Variants in CLIC5 observed in about 807,000 individuals in gnomAD.
CLIC5 encodes CLIC family member 5.
In CLIC5, 20 loss-of-function variants were observed where a neutral mutation model predicts 24.7. The ratio of observed to expected loss-of-function variants is 0.81; its 90% CI spans 0.57 to 1.18. CLIC5 has a LOEUF of 1.18. Ranked by LOEUF, CLIC5 falls within the 50% of genes most tolerant of loss-of-function variation. CLIC5 has a pLI of 0.00. For synonymous variants in CLIC5, 159 were observed against 135.6 expected (o/e 1.17, Z -1.20); for missense variants, 341 against 326.1 (o/e 1.05, Z -0.35).
At chr6:46,035,484 G>GGC (rs1276279238) in intron 1 of CLIC5, among the ~76,000 whole-genome samples, 1 of 152,102 alleles carries the variant, frequency 6.6e-6, no homozygotes, top group African/African-American at 2.4e-5. Context: ...CCCTATCACT[G>GGC]GCTCCATCTC....
At chr6:46,074,622 C>A (rs1581921678) in intron 1 of CLIC5, among the ~76,000 whole-genome samples, 1 of 152,198 alleles carries the variant, frequency 6.6e-6, no homozygotes, top group African/African-American at 2.4e-5. Context: ...TCTGAAGCTG[C>A]AGATACTTTC....
At chr6:45,958,127 A>G (rs1298640621) in intron 1 of CLIC5, among the ~76,000 whole-genome samples, 1 of 152,094 alleles carries the variant, frequency 6.6e-6, no homozygotes, top group East Asian at 1.9e-4. Context: ...GGCTCTAAAC[A>G]TGACTGATGT....
At chr6:45,938,215 C>T (rs957483382) in intron 4 of CLIC5, among the ~76,000 whole-genome samples, 4 of 152,208 alleles carry the variant, frequency 2.6e-5, no homozygotes, top group African/African-American at 9.7e-5. Context: ...AGCCATGGAG[C>T]TCACACAGAG....
At chr6:45,987,578 T>C (rs1765786531) in intron 1 of CLIC5, among the ~76,000 whole-genome samples, 1 of 152,234 alleles carries the variant, frequency 6.6e-6, no homozygotes, top group South Asian at 2.1e-4. Context: ...ATTGTGTGGC[T>C]TAAATAACAA....
rs1272955658 is a variant in CLIC5 at position 45,901,302 on chromosome 6, T to G, written c.*1786A>C. ...CTCATTCCGCCTTTTCAAAGCTTTC[T>G]CAGGCTTATAAAGTGTCCTACTGAG... On this transcript the variant is annotated 3_prime_UTR_variant, in exon 6 of 6. Coordinates refer to ENST00000339561, the MANE Select transcript of CLIC5 (RefSeq NM_016929.5). 1 of 152,180 alleles carries G rather than the reference T, an allele frequency of 6.6e-6. No individual in the cohort carries two copies. The highest frequency in any genetic ancestry group is 1.5e-5 in the Non-Finnish European group (1 of 68,026). 9.4% of individuals were successfully genotyped at this position (152,180 alleles called of 1,614,324 possible). A position where few individuals can be genotyped will look rare whatever the true frequency, so the allele number is the denominator to read the frequency against.
chr6:45,920,917 G>A (rs1763232612), intron 4 of CLIC5, among the ~76,000 whole-genome samples: 1 of 152,162 alleles, frequency 6.6e-6, no homozygotes, highest in Non-Finnish European at 1.5e-5. Context: ...GCTCTGTGAT[G>A]GGCAGTGTAA....
intron 6 of CLIC5, among the ~76,000 whole-genome samples, chr6:45,892,525 C>G (rs1273598476): frequency 6.6e-6 from 1 of 152,142 alleles, no homozygotes; most frequent in African/African-American, 2.4e-5. Flanking sequence ...AATTCATGAT[C>G]CTGTGGGTGC....
upstream of CLIC5, among the ~76,000 whole-genome samples, chr6:46,020,043 TA>T (rs1293081589): frequency 6.6e-6 from 1 of 152,004 alleles, no homozygotes; most frequent in East Asian, 1.9e-4. Flanking sequence ...GAATATAGAA[TA>T]TAGAAGACCT....
intron 4 of CLIC5, among the ~76,000 whole-genome samples, chr6:45,919,967 TAA>T (rs1763190097): frequency 6.6e-6 from 1 of 152,202 alleles, no homozygotes; most frequent in Non-Finnish European, 1.5e-5. Flanking sequence ...TATTAGATTC[TAA>T]AACATAAACT....
the CLIC5 span, among the ~76,000 whole-genome samples, chr6:46,123,729 G>C: frequency 3.0e-5 from 4 of 135,064 alleles, no homozygotes; most frequent in East Asian, 7.9e-4. Flanking sequence ...AGCAACTTCA[G>C]CAAAGTCTCA....
intron 1 of CLIC5, among the ~76,000 whole-genome samples, chr6:46,051,105 A>G (rs1768090679): frequency 6.6e-6 from 1 of 152,126 alleles, no homozygotes. Flanking sequence ...ACATAACTGA[A>G]CAACCCAGTC....
chr6:46,030,177 T>G (rs2127455096), intron 1 of CLIC5, among the ~76,000 whole-genome samples: 1 of 152,308 alleles, frequency 6.6e-6, no homozygotes, highest in South Asian at 2.1e-4. Flanking sequence ...ATTTCCAAGA[T>G]AGTGCACTAC....
At chr6:46,014,551 C>G (rs569390201) in intron 1 of CLIC5, 2 of 152,394 alleles carry the variant, frequency 1.3e-5, no homozygotes, top group East Asian at 3.9e-4. Context: ...TTCCCCTCCC[C>G]CAAGTCCTGG....
chr6:45,962,063 TACACAC>T lies in CLIC5; in HGVS notation c.64-6825_64-6820del, dbSNP rs74732121. Among the ~76,000 whole-genome samples, 1,260 of 145,516 alleles carry T rather than the reference TACACAC, an allele frequency of 8.7e-3. 6 individuals carry two copies. The highest frequency in any genetic ancestry group is 0.015 in the African/African-American group (581 of 39,546). Reference sequence around the variant, plus strand: ...ATATATACATACACATATATGTACATACACACACACACACACACACACACACACACA... The same window carrying T: ...ATATATACATACACATATATGTACATACACACACACACACACACACACACA... On this transcript the variant is annotated intron_variant, in intron 1 of 5. Coordinates refer to ENST00000339561, the MANE Select transcript of CLIC5 (RefSeq NM_016929.5).
intron 1 of CLIC5, among the ~76,000 whole-genome samples, chr6:46,040,612 G>A (rs1033066816): frequency 6.6e-5 from 10 of 152,176 alleles, no homozygotes; most frequent in African/African-American, 2.2e-4. Context: ...GATGATGGTG[G>A]TGGTGGATGA....
the CLIC5 span, among the ~76,000 whole-genome samples, chr6:46,104,246 CTCTTG>C: frequency 6.6e-6 from 1 of 151,964 alleles, no homozygotes; most frequent in African/African-American, 2.4e-5. Flanking sequence ...ATAAGGTTTC[CTCTTG>C]TCTTGTTTTA....
chr6:45,941,421 A>G, intron 4 of CLIC5, 126 bp downstream of exon 4: 1 of 755,110 alleles, frequency 1.3e-6, no homozygotes, highest in Non-Finnish European at 2.4e-6. Context: ...GGGGCAAATA[A>G]TAAGCAGTAT....
At chr6:46,083,696 T>C (rs960910042), upstream of CLIC5, among the ~76,000 whole-genome samples, 1 of 152,178 alleles carries the variant, frequency 6.6e-6, no homozygotes, top group African/African-American at 2.4e-5. Flanking sequence ...TACTTCCAAC[T>C]ATGTGGTCAA....
chr6:45,982,094 T>C (rs867684177), intron 1 of CLIC5, among the ~76,000 whole-genome samples: 1 of 152,026 alleles, frequency 6.6e-6, no homozygotes, highest in South Asian at 2.1e-4. Context: ...AAAGACAATA[T>C]GAGAAACGGG....
Sources: gnomAD v4.1 joint callset for allele counts (sites outside exome capture counted in the v4.1 genomes callset) on GRCh38, gnomAD v4.1.1 for gene constraint, MANE v1.5 for transcripts, NCBI Gene and HGNC (gene_info 2026-07-23, HGNC 2026-07-21) for gene names.